Variants in C3orf22 observed in about 807,000 individuals in gnomAD.
The protein encoded by C3orf22 is chromosome 3 open reading frame 22.
Under a neutral mutation model 10.8 loss-of-function variants are expected in C3orf22, and 7 were observed. The observed-to-expected ratio is 0.65, with a 90% confidence interval of 0.37 to 1.22. The LOEUF (loss-of-function observed/expected upper bound fraction) is 1.22, where lower values mean the gene tolerates loss of function less well. Among genes scored for constraint, C3orf22 ranks in the 50% most tolerant of loss-of-function variants. C3orf22 has a pLI of 0.02. For missense variants in C3orf22, 173 were observed against 177.0 expected (o/e 0.98, Z 0.13); for synonymous variants, 79 against 78.9 (o/e 1.00, Z 0.00).
downstream of C3orf22, among the ~76,000 whole-genome samples, chr3:126,547,595 A>G (rs1161272763): frequency 2.6e-5 from 4 of 152,252 alleles, no homozygotes; most frequent in African/African-American, 7.2e-5. Context: ...GTGGAAGAGC[A>G]GGCAGCCAGC....
At position 126,536,863 on chromosome 3, in the gene C3orf22, GCTCT is replaced by G. The variant is rs75727605; in HGVS notation, c.287-7495_287-7492del. On this transcript the variant is annotated intron_variant and NMD_transcript_variant, in intron 4 of 5. Coordinates refer to the C3orf22 transcript ENST00000505070. ...CCACCACCAAGAACCCCACACTCTG[GCTCT>G]CTCTCTCTCTTTCTCACACACACAC... is the stretch of plus-strand genomic sequence containing the variant. 1.7e-3 allele frequency among the ~76,000 whole-genome samples: 241 copies of G among 141,618 alleles called. 1 individual carries two copies. In the Middle Eastern group the frequency reaches 0.017, roughly 10 times the overall value. The allele number at this position is 141,618 out of a possible 152,430, so 92.9% of individuals were successfully genotyped here. A position where few individuals can be genotyped will look rare whatever the true frequency, so the allele number is the denominator to read the frequency against.
intron 4 of C3orf22, among the ~76,000 whole-genome samples, chr3:126,541,320 C>T (rs6781798): frequency 0.26 from 39,458 of 152,128 alleles, 5,207 homozygotes; most frequent in Admixed American, 0.3. Context: ...CGACAGCCCA[C>T]AAGCGGCTGC....
At chr3:126,552,226 C>T in intron 2 of C3orf22, 104 bp from the exon 3 acceptor site, 3 of 1,538,242 alleles carry the variant, frequency 2.0e-6, no homozygotes, top group Non-Finnish European at 2.6e-6. Context: ...GTTCTAAGTG[C>T]TTCACAAATA....
chr3:126,530,519 C>T (rs1936635535), intron 4 of C3orf22, among the ~76,000 whole-genome samples: 1 of 152,332 alleles, frequency 6.6e-6, no homozygotes, highest in South Asian at 2.1e-4. Context: ...TCCTCAGTCC[C>T]CAGCCACAGT....
rs1173937251 is a variant in C3orf22 at position 126,553,471 on chromosome 3, G to A, written c.-40-41C>T. ...AGGCGTCAGAGGGGGCAGGGGTGGT[G>A]GGGGGCAGAAGGCAGAGTGATGAGT... On this transcript the variant is annotated intron_variant, in intron 1 of 3. Transcript: ENST00000318225. The A allele has an allele frequency of 3.9e-6, 5 of 1,270,390 alleles. No homozygotes were observed. The East Asian group carries it at 9.3e-5, about 24-fold the overall frequency. The allele number at this position is 1,270,390 out of a possible 1,614,324, so 78.7% of individuals were successfully genotyped here. A position where few individuals can be genotyped will look rare whatever the true frequency, so the allele number is the denominator to read the frequency against.
downstream of C3orf22, among the ~76,000 whole-genome samples, chr3:126,545,603 T>A (rs542874657): frequency 1.5e-4 from 23 of 152,306 alleles, no homozygotes; most frequent in Non-Finnish European, 3.1e-4. Context: ...GCCGAATGCA[T>A]CTGTGGGCTT....
intron 2 of C3orf22, 61 bp from the exon 3 acceptor site, chr3:126,552,183 C>T (rs1937206585): frequency 6.2e-7 from 1 of 1,608,478 alleles, no homozygotes; most frequent in Admixed American, 1.7e-5. Context: ...AAGTAACTCT[C>T]ACTCATCTGG....
In C3orf22 at chr3:126,555,089, A is replaced by G. The variant is rs76211619; in HGVS notation, c.-40-1659T>C. On this transcript the variant is annotated intron_variant, in intron 1 of 3. Coordinates refer to ENST00000318225, the MANE Select transcript of C3orf22 (RefSeq NM_152533.3). ...ATGGCTAGTGCCTGCTGCATTGGAC[A>G]GCACAGCTCTGGCCACTCGGAGGAA... Among the ~76,000 whole-genome samples the G allele has an allele frequency of 8.3e-3, 1,263 of 152,344 alleles. 12 individuals carry two copies. The highest frequency in any genetic ancestry group is 0.029 in the African/African-American group (1,204 of 41,576).
intron 4 of C3orf22, chr3:126,542,524 G>T (rs757872487): frequency 6.5e-7 from 1 of 1,544,860 alleles, no homozygotes. Flanking sequence ...ACCTCTACAA[G>T]ATGGACTTCC....
chr3:126,538,430 A>G (rs991451308), intron 4 of C3orf22, among the ~76,000 whole-genome samples: 11 of 152,206 alleles, frequency 7.2e-5, no homozygotes, highest in Non-Finnish European at 1.5e-4. Context: ...TAATCCCCTG[A>G]TATCGCCTCA....
At position 126,538,222 on chromosome 3, in the gene C3orf22, C is replaced by T. The variant is rs191546972; in HGVS notation, c.287-8850G>A. On this transcript the variant is annotated intron_variant and NMD_transcript_variant, in intron 4 of 5. Coordinates refer to the C3orf22 transcript ENST00000505070. ...GAGCTGCTCGGAGACTGGCAGCCCA[C>T]GGTTCAGCAGCAGCCAGCTGCCCAC... Among the ~76,000 whole-genome samples the T allele has an allele frequency of 4.6e-5, 7 of 152,374 alleles. No individual in the cohort carries two copies. In the East Asian group the frequency reaches 7.7e-4, roughly 17 times the overall value.
chr3:126,550,307 T>C (rs1403132792), intron 3 of C3orf22, among the ~76,000 whole-genome samples: 1 of 152,148 alleles, frequency 6.6e-6, no homozygotes, highest in Non-Finnish European at 1.5e-5. Context: ...TCCAGCCACC[T>C]GACATCCAAG....
At chr3:126,529,239 G>T in exon 5 of C3orf22, 2 of 1,063,888 alleles carry the variant, frequency 1.9e-6, no homozygotes, top group Non-Finnish European at 1.3e-6. Context: ...TATCTTGATT[G>T]GCAGAGGAGG....
downstream of C3orf22, among the ~76,000 whole-genome samples, chr3:126,547,606 G>A (rs530038751): frequency 2.6e-5 from 4 of 152,276 alleles, no homozygotes; most frequent in African/African-American, 9.6e-5. Context: ...GGCAGCCAGC[G>A]ACCCCTCCTG....
chr3:126,557,020 A>ACACG (rs10637291), intron 1 of C3orf22, among the ~76,000 whole-genome samples: 2 of 150,978 alleles, frequency 1.3e-5, no homozygotes, highest in African/African-American at 4.9e-5. Context: ...AGACCCACAC[A>ACACG]AACTCACATA....
At chr3:126,540,598 G>A (rs1936937870) in intron 4 of C3orf22, among the ~76,000 whole-genome samples, 1 of 152,192 alleles carries the variant, frequency 6.6e-6, no homozygotes. Context: ...ATATTCCATT[G>A]CATGGATGGC....
chr3:126,536,522 G>C (rs973578443), intron 4 of C3orf22, among the ~76,000 whole-genome samples: 8 of 152,060 alleles, frequency 5.3e-5, no homozygotes, highest in Non-Finnish European at 1.2e-4. Flanking sequence ...GCAAATCTTG[G>C]GGGTAAGATG....
intron 4 of C3orf22, among the ~76,000 whole-genome samples, chr3:126,532,752 C>T (rs903388987): frequency 6.6e-6 from 1 of 152,034 alleles, no homozygotes; most frequent in Non-Finnish European, 1.5e-5. Context: ...ATTCTGAATC[C>T]CTTCACTTTC....
intron 4 of C3orf22, chr3:126,536,133 C>T (rs1321902792): frequency 4.5e-6 from 3 of 671,012 alleles, no homozygotes; most frequent in Admixed American, 2.3e-5. Flanking sequence ...CCACCAAGCC[C>T]CTAGGAGGTA....
Sources: allele counts gnomAD v4.1 joint callset (sites outside exome capture counted in the v4.1 genomes callset), GRCh38; gene constraint gnomAD v4.1.1; transcripts MANE v1.5; gene names NCBI Gene and HGNC (gene_info 2026-07-23, HGNC 2026-07-21).